GRIA1: variants seen among roughly 807,000 people sequenced by gnomAD.
GRIA1 encodes glutamate ionotropic receptor AMPA type subunit 1.
In GRIA1, 31 loss-of-function variants were observed where a neutral mutation model predicts 99.2. The observed-to-expected ratio is 0.31, with a 90% CI of 0.23 to 0.42. GRIA1 has a LOEUF of 0.42. GRIA1 is among the 10% of genes least tolerant of loss of function. The pLI is 1.00. For synonymous variants in GRIA1, 438 were observed against 432.4 expected (o/e 1.01, Z -0.16); for missense variants, 782 against 1,157.5 (o/e 0.68, Z 4.71).
chr5:153,658,057 G>C (rs1304433939), intron 5 of GRIA1, among the ~76,000 whole-genome samples: 1 of 151,986 alleles, frequency 6.6e-6, no homozygotes, highest in Non-Finnish European at 1.5e-5. Context: ...CCAGCAAAGG[G>C]GTGTGACTTG....
chr5:153,595,930 T>C (rs1258277219), intron 2 of GRIA1, among the ~76,000 whole-genome samples: 1 of 151,968 alleles, frequency 6.6e-6, no homozygotes, highest in Non-Finnish European at 1.5e-5. Flanking sequence ...CAGTCATTTC[T>C]AAATTCCCAG....
intron 9 of GRIA1, 151 bp from the exon 10 acceptor site, chr5:153,698,716 G>A (rs1430066973): frequency 1.6e-6 from 1 of 619,854 alleles, no homozygotes; most frequent in Non-Finnish European, 2.9e-6. Flanking sequence ...TTGTAATGGG[G>A]TAGGGAGTGA....
chr5:153,752,978 A>G (rs939170229), intron 11 of GRIA1, among the ~76,000 whole-genome samples: 69 of 152,214 alleles, frequency 4.5e-4, no homozygotes, highest in African/African-American at 1.6e-3. Flanking sequence ...AGATGGAGGA[A>G]GTCAAGTGAT....
chr5:153,740,933 C>A (rs1761733311), intron 11 of GRIA1, among the ~76,000 whole-genome samples: 1 of 144,880 alleles, frequency 6.9e-6, no homozygotes. Flanking sequence ...TCTGAAAAGA[C>A]AACAAGTCTT....
At chr5:153,785,245 C>T (rs1342112331) in intron 13 of GRIA1, among the ~76,000 whole-genome samples, 1 of 152,026 alleles carries the variant, frequency 6.6e-6, no homozygotes, top group African/African-American at 2.4e-5. Flanking sequence ...GTGCACTGAC[C>T]CTTAATCCAG....
At chr5:153,760,559 C>G (rs1763113922) in intron 11 of GRIA1, among the ~76,000 whole-genome samples, 2 of 151,956 alleles carry the variant, frequency 1.3e-5, no homozygotes, top group South Asian at 4.1e-4. Context: ...ATCCATTATT[C>G]ATAATTGAAA....
intron 13 of GRIA1, among the ~76,000 whole-genome samples, chr5:153,788,285 CTT>C (rs1211526280): frequency 2.0e-5 from 3 of 152,172 alleles, no homozygotes; most frequent in Non-Finnish European, 2.9e-5. Context: ...TACAGCCTCT[CTT>C]CTTTCCAATC....
At chr5:153,566,391 C>T (rs560692364) in intron 2 of GRIA1, among the ~76,000 whole-genome samples, 2 of 138,782 alleles carry the variant, frequency 1.4e-5, no homozygotes, top group South Asian at 2.4e-4. Flanking sequence ...ACTGCAACCT[C>T]CGCCTCCTGG....
chr5:153,798,117 T>C (rs1452002959), intron 14 of GRIA1, among the ~76,000 whole-genome samples: 2 of 152,196 alleles, frequency 1.3e-5, no homozygotes, highest in Non-Finnish European at 1.5e-5. Context: ...GTGTTCATGT[T>C]TGAGGAACTC....
upstream of GRIA1, chr5:153,489,859 T>G (rs1281903949): frequency 8.8e-6 from 4 of 456,632 alleles, no homozygotes; most frequent in Non-Finnish European, 1.8e-5. Flanking sequence ...TAGTCTTTAT[T>G]GTACACCCAC....
chr5:153,757,237 T>G (rs1338484451), intron 11 of GRIA1, among the ~76,000 whole-genome samples: 2 of 151,590 alleles, frequency 1.3e-5, no homozygotes, highest in African/African-American at 4.9e-5. Flanking sequence ...TCCTTGAAAA[T>G]ACAGCCAAAG....
At chr5:153,576,730 T>C (rs925935945) in intron 2 of GRIA1, among the ~76,000 whole-genome samples, 10 of 152,250 alleles carry the variant, frequency 6.6e-5, no homozygotes, top group Admixed American at 5.9e-4. Context: ...TGCTCTTCAC[T>C]TGCCAAGTTA....
At chr5:153,775,846 G>A (rs981511306) in intron 13 of GRIA1, among the ~76,000 whole-genome samples, 2 of 150,606 alleles carry the variant, frequency 1.3e-5, no homozygotes, top group Non-Finnish European at 2.9e-5. Flanking sequence ...ATGGGAAGTG[G>A]GGAGAGGAGG....
At chr5:153,526,810 C>T (rs1428772765) in intron 2 of GRIA1, among the ~76,000 whole-genome samples, 1 of 152,220 alleles carries the variant, frequency 6.6e-6, no homozygotes, top group Non-Finnish European at 1.5e-5. Flanking sequence ...GCTTTGGACT[C>T]AGGCAAAGCT....
intron 8 of GRIA1, among the ~76,000 whole-genome samples, chr5:153,689,399 T>C (rs1359817014): frequency 6.6e-6 from 1 of 152,228 alleles, no homozygotes; most frequent in African/African-American, 2.4e-5. Flanking sequence ...ATTTCCTGGA[T>C]AGAACAAATT....
chr5:153,764,809 A>G (rs1462934923), intron 12 of GRIA1, among the ~76,000 whole-genome samples, 177 bp downstream of exon 12: 1 of 152,206 alleles, frequency 6.6e-6, no homozygotes, highest in Non-Finnish European at 1.5e-5. Flanking sequence ...TGAGAAATCT[A>G]CATTTCTACA....
intron 2 of GRIA1, among the ~76,000 whole-genome samples, chr5:153,541,455 T>C (rs1759084769): frequency 6.6e-6 from 1 of 152,186 alleles, no homozygotes; most frequent in South Asian, 2.1e-4. Context: ...GTAAATTAGG[T>C]GTTATTAGCC....
At chr5:153,696,049 C>T (rs976649170) in intron 8 of GRIA1, among the ~76,000 whole-genome samples, 1 of 152,122 alleles carries the variant, frequency 6.6e-6, no homozygotes, top group African/African-American at 2.4e-5. Flanking sequence ...ACCCAGTGTT[C>T]TAATGGGAAC....
chr5:153,580,559 T>C (rs1762957631), intron 2 of GRIA1, among the ~76,000 whole-genome samples: 1 of 152,162 alleles, frequency 6.6e-6, no homozygotes, highest in Non-Finnish European at 1.5e-5. Context: ...CTTGGTGAAA[T>C]GGTTTAAAAT....
Sources: gnomAD v4.1 joint callset for allele counts (sites outside exome capture counted in the v4.1 genomes callset) on GRCh38, gnomAD v4.1.1 for gene constraint, MANE v1.5 for transcripts, NCBI Gene and HGNC (gene_info 2026-07-23, HGNC 2026-07-21) for gene names.